The following DACH2 variants were observed in gnomAD, a reference collection of about 807,000 sequenced individuals.
The protein encoded by DACH2 is dachshund family transcription factor 2.
A neutral mutation model predicts 35.8 loss-of-function variants in DACH2; 17 were observed. That is an observed-to-expected ratio of 0.48 (90% CI 0.33 to 0.71). DACH2 has a LOEUF of 0.71. Among genes scored for constraint, DACH2 ranks in the 30% least tolerant of loss-of-function variants. The probability of loss-of-function intolerance (pLI) is 0.02; values close to 1 mark genes in which losing one functional copy is unlikely to be tolerated. For synonymous variants in DACH2, 195 were observed against 177.3 expected (o/e 1.10, Z -0.79); for missense variants, 469 against 472.7 (o/e 0.99, Z 0.07).
rs757150585 is a variant in DACH2, at chrX:86,453,317, C to T, written c.528-60962C>T. On this transcript the variant is annotated intron_variant, in intron 2 of 11. Transcript: ENST00000373125. Reference sequence around the variant, plus strand: ...GCTGTTTTCGGGTGGAGAGTTCTGTCGATATCAGATCCACTTCATCCAGAG... The same window carrying T: ...GCTGTTTTCGGGTGGAGAGTTCTGTTGATATCAGATCCACTTCATCCAGAG... 6.3e-5 allele frequency among the ~76,000 whole-genome samples: 7 copies of T among 111,692 alleles called. No individual in the cohort carries two copies. The East Asian group carries it at 8.5e-4, about 14-fold the overall frequency.
At chrX:86,679,616 C>G (rs866327651) in intron 4 of DACH2, among the ~76,000 whole-genome samples, 2 of 96,284 alleles carry the variant, frequency 2.1e-5, no homozygotes, top group Non-Finnish European at 2.1e-5. Context: ...CTCTCTGTCT[C>G]TGTGTGTGTG....
intron 3 of DACH2, among the ~76,000 whole-genome samples, chrX:86,578,329 T>A (rs993535313): frequency 1.9e-4 from 9 of 47,678 alleles, no homozygotes. Flanking sequence ...AAAAATAGGT[T>A]TTTTTTTTTT....
chrX:86,674,205 A>C (rs2040801604), intron 4 of DACH2, among the ~76,000 whole-genome samples: 1 of 112,125 alleles, frequency 8.9e-6, no homozygotes, highest in South Asian at 3.6e-4. Flanking sequence ...GCATTTTTGC[A>C]TGTGTACTCA....
chrX:86,619,687 A>G, intron 3 of DACH2, among the ~76,000 whole-genome samples: 1 of 111,795 alleles, frequency 8.9e-6, no homozygotes, highest in Admixed American at 9.6e-5. Flanking sequence ...TCTTTTTCCC[A>G]CGCAAACTGT....
chrX:86,152,043 G>A (rs2030385003), intron 1 of DACH2, among the ~76,000 whole-genome samples: 1 of 111,841 alleles, frequency 8.9e-6, no homozygotes, highest in South Asian at 3.7e-4. Context: ...TTCTAGCTAA[G>A]AGCAGGGAGG....
intron 3 of DACH2, among the ~76,000 whole-genome samples, chrX:86,581,927 A>T (rs1222388876): frequency 8.9e-6 from 1 of 111,840 alleles, no homozygotes; most frequent in East Asian, 2.8e-4. Flanking sequence ...CTTTTCATTT[A>T]CATATGGCAC....
At chrX:86,310,289 G>A (rs535894412) in intron 1 of DACH2, among the ~76,000 whole-genome samples, 2 of 111,777 alleles carry the variant, frequency 1.8e-5, no homozygotes, top group African/African-American at 3.2e-5. Context: ...GATTGGGCAC[G>A]CTTGAGCAGT....
chrX:86,719,943 C>CTTTTTTTTTTTTTTTTTTT (rs35089560), intron 6 of DACH2, among the ~76,000 whole-genome samples: 1 of 63,577 alleles, frequency 1.6e-5, no homozygotes, highest in Non-Finnish European at 3.0e-5. Context: ...TTTTTTTTTT[C>CTTTTTTTTTTTTTTTTTTT]TTTTTTTTTT....
intron 2 of DACH2, among the ~76,000 whole-genome samples, chrX:86,421,857 C>A (rs778956346): frequency 9.0e-6 from 1 of 110,691 alleles, no homozygotes; most frequent in Non-Finnish European, 1.9e-5. Context: ...GTATTGGCAA[C>A]AAGACCTGCT....
At chrX:86,441,243 A>T (rs2037156239) in intron 2 of DACH2, among the ~76,000 whole-genome samples, 1 of 111,106 alleles carries the variant, frequency 9.0e-6, no homozygotes, top group African/African-American at 3.3e-5. Context: ...TATGTTCATT[A>T]AACATCTCCA....
At chrX:86,450,101 G>A (rs2037345715) in intron 2 of DACH2, among the ~76,000 whole-genome samples, 1 of 110,839 alleles carries the variant, frequency 9.0e-6, no homozygotes, top group Non-Finnish European at 1.9e-5. Context: ...GGGTACGTGT[G>A]CAGGATGTGT....
rs182931448 is a variant in DACH2, at chrX:86,341,060, G to C, written c.489-35764G>C. On this transcript the variant is annotated intron_variant, in intron 1 of 11. Transcript: ENST00000373125. ...AGAATCTGGAGCAAGTTATCCAGAA[G>C]ATCCAGCTAAGATAATTGAGGAAGT... is the stretch of plus-strand genomic sequence containing the variant. Among the ~76,000 whole-genome samples the C allele has an allele frequency of 5.3e-5, 6 of 112,299 alleles. No individual in the cohort carries two copies. The East Asian group carries it at 1.7e-3, about 32-fold the overall frequency.
intron 11 of DACH2, among the ~76,000 whole-genome samples, chrX:86,824,504 C>T (rs1304920168): frequency 9.0e-6 from 1 of 111,450 alleles, no homozygotes; most frequent in Non-Finnish European, 1.9e-5. Context: ...CACAGTGGTC[C>T]TGAGGTGATG....
intron 2 of DACH2, among the ~76,000 whole-genome samples, chrX:86,456,159 G>T (rs1389486386): frequency 8.9e-6 from 1 of 111,977 alleles, no homozygotes; most frequent in Non-Finnish European, 1.9e-5. Context: ...GGGTGAAGTT[G>T]TTTGCCTAGT....
intron 3 of DACH2, among the ~76,000 whole-genome samples, chrX:86,627,806 G>A (rs901062239): frequency 2.7e-5 from 3 of 112,289 alleles, no homozygotes; most frequent in African/African-American, 9.7e-5. Context: ...TAAAACAGAT[G>A]CTTGATGTAT....
chrX:86,383,052 A>G (rs2036070388), intron 2 of DACH2, among the ~76,000 whole-genome samples: 1 of 110,872 alleles, frequency 9.0e-6, no homozygotes, highest in Non-Finnish European at 1.9e-5. Flanking sequence ...CTGCCAAGAT[A>G]ATCTACAGTA....
intron 2 of DACH2, among the ~76,000 whole-genome samples, chrX:86,398,064 G>C (rs1390112971): frequency 8.9e-6 from 1 of 111,936 alleles, no homozygotes. Flanking sequence ...CTCAAATTCA[G>C]AGCCTGTTAT....
At chrX:86,670,493 C>G (rs1418676984) in intron 4 of DACH2, among the ~76,000 whole-genome samples, 9 of 111,759 alleles carry the variant, frequency 8.1e-5, no homozygotes, top group Non-Finnish European at 1.5e-4. Flanking sequence ...GATTTTTCTT[C>G]TAATCAGGCT....
intron 1 of DACH2, among the ~76,000 whole-genome samples, chrX:86,275,495 A>T (rs888244380): frequency 8.9e-6 from 1 of 111,819 alleles, no homozygotes; most frequent in African/African-American, 3.2e-5. Flanking sequence ...TGAAATAAGC[A>T]CATCAAGGAG....
Sources: gnomAD v4.1 joint callset for allele counts (sites outside exome capture counted in the v4.1 genomes callset) on GRCh38, gnomAD v4.1.1 for gene constraint, MANE v1.5 for transcripts, NCBI Gene and HGNC (gene_info 2026-07-23, HGNC 2026-07-21) for gene names.